Variants in UBAC2 observed in about 807,000 individuals in gnomAD.
UBAC2 encodes ubiquitin-associated domain-containing protein 2.
A neutral mutation model predicts 44.0 loss-of-function variants in UBAC2; 26 were observed. The ratio of observed to expected loss-of-function variants is 0.59; its 90% CI spans 0.43 to 0.82. The LOEUF (loss-of-function observed/expected upper bound fraction) is 0.82, where lower values mean the gene tolerates loss of function less well. Among genes scored for constraint, UBAC2 ranks in the 40% least tolerant of loss-of-function variants. The pLI is 0.00. For missense variants in UBAC2, 329 were observed against 419.4 expected, an observed-to-expected ratio of 0.78 and a Z score of 1.88; for synonymous variants, 155 against 154.3, an observed-to-expected ratio of 1.00 and a Z score of -0.04.
At chr13:99,284,431 G>A (rs1411670929) in intron 4 of UBAC2, among the ~76,000 whole-genome samples, 1 of 152,192 alleles carries the variant, frequency 6.6e-6, no homozygotes, top group African/African-American at 2.4e-5. Context: ...TTATAGAAAA[G>A]TTGCAAGGAT....
At chr13:99,312,344 C>A (rs183624776) in intron 4 of UBAC2, among the ~76,000 whole-genome samples, 158 of 152,070 alleles carry the variant, frequency 1.0e-3, no homozygotes, top group African/African-American at 3.7e-3. Context: ...GCCATTTTCC[C>A]AAAAGTGGGA....
At chr13:99,324,451 A>G (rs1197690979) in intron 6 of UBAC2, among the ~76,000 whole-genome samples, 3 of 152,244 alleles carry the variant, frequency 2.0e-5, no homozygotes, top group Admixed American at 2.0e-4. Flanking sequence ...CTCAGACTCC[A>G]GAATGAAGAA....
chr13:99,285,859 G>T (rs1053222067), intron 4 of UBAC2, among the ~76,000 whole-genome samples: 1 of 152,124 alleles, frequency 6.6e-6, no homozygotes, highest in African/African-American at 2.4e-5. Flanking sequence ...ATGAGCCAAG[G>T]CATATGAGAT....
chr13:99,215,644 A>G (rs2042983904), intron 1 of UBAC2: 4 of 1,364,538 alleles, frequency 2.9e-6, no homozygotes, highest in African/African-American at 2.9e-5. Context: ...GTCGTCCTAG[A>G]TTTCAGGTGT....
At chr13:99,317,337 T>G (rs1269062148) in intron 5 of UBAC2, among the ~76,000 whole-genome samples, 2 of 152,192 alleles carry the variant, frequency 1.3e-5, no homozygotes, top group Non-Finnish European at 2.9e-5. Flanking sequence ...CAGGAACACT[T>G]TCAGAGTCCT....
intron 4 of UBAC2, among the ~76,000 whole-genome samples, chr13:99,299,760 A>G (rs1223840076): frequency 1.3e-5 from 2 of 152,094 alleles, no homozygotes; most frequent in Non-Finnish European, 2.9e-5. Flanking sequence ...GCATTGTGTC[A>G]TCATGTAGAA....
intron 4 of UBAC2, among the ~76,000 whole-genome samples, chr13:99,280,401 C>G (rs2043937084): frequency 6.6e-6 from 1 of 152,172 alleles, no homozygotes; most frequent in Admixed American, 6.5e-5. Flanking sequence ...ATCCCTTCTC[C>G]CCTTTGCTTG....
chr13:99,201,104 GA>G, intron 1 of UBAC2, 165 bp downstream of exon 1: 1 of 1,352,838 alleles, frequency 7.4e-7, no homozygotes, highest in East Asian at 2.7e-5. Context: ...GGGGTCAGCG[GA>G]AACCGCCCCC....
At chr13:99,223,025 A>T (rs1454166604) in intron 1 of UBAC2, among the ~76,000 whole-genome samples, 6 of 152,186 alleles carry the variant, frequency 3.9e-5, no homozygotes, top group Non-Finnish European at 8.8e-5. Context: ...TAATATCTGT[A>T]GGACTATTTA....
intron 4 of UBAC2, chr13:99,255,526 C>G: frequency 6.2e-7 from 1 of 1,614,064 alleles, no homozygotes; most frequent in South Asian, 1.1e-5. Context: ...TCTGTCAGCA[C>G]TAATAAAGGC....
At chr13:99,342,694 C>A (rs917384118) in intron 7 of UBAC2, among the ~76,000 whole-genome samples, 1 of 152,196 alleles carries the variant, frequency 6.6e-6, no homozygotes, top group Non-Finnish European at 1.5e-5. Context: ...CCGTGGTGGG[C>A]ACGACCTGCA....
chr13:99,208,563 C>T (rs1176394933), intron 1 of UBAC2, among the ~76,000 whole-genome samples: 1 of 152,230 alleles, frequency 6.6e-6, no homozygotes, highest in Admixed American at 6.5e-5. Context: ...ATTAACACTT[C>T]AGTCTTCATT....
At chr13:99,259,024 T>A (rs1039156201) in intron 4 of UBAC2, among the ~76,000 whole-genome samples, 1 of 152,234 alleles carries the variant, frequency 6.6e-6, no homozygotes, top group Non-Finnish European at 1.5e-5. Context: ...AGAAATAATT[T>A]CTTTTGCATA....
chr13:99,242,297 C>A (rs1227366735), intron 2 of UBAC2, among the ~76,000 whole-genome samples: 2 of 151,906 alleles, frequency 1.3e-5, no homozygotes, highest in East Asian at 3.9e-4. Context: ...GTGCCCCTCA[C>A]CTCCCGGACG....
intron 1 of UBAC2, among the ~76,000 whole-genome samples, chr13:99,211,538 G>A (rs1239953721): frequency 1.3e-5 from 2 of 152,144 alleles, no homozygotes; most frequent in Non-Finnish European, 2.9e-5. Context: ...TACGTGTTAG[G>A]CACTGTTCTA....
At chr13:99,366,603 G>A (rs935720610) in intron 7 of UBAC2, among the ~76,000 whole-genome samples, 7 of 146,868 alleles carry the variant, frequency 4.8e-5, no homozygotes, top group Admixed American at 1.4e-4. Context: ...TGCTGTCTCC[G>A]GGGGAAGACA....
intron 4 of UBAC2, among the ~76,000 whole-genome samples, chr13:99,265,131 A>G (rs2043725431): frequency 6.6e-6 from 1 of 152,222 alleles, no homozygotes; most frequent in Admixed American, 6.5e-5. Flanking sequence ...TACTCAGACA[A>G]GGTATTTACC....
intron 4 of UBAC2, among the ~76,000 whole-genome samples, chr13:99,293,507 A>G (rs946194715): frequency 6.6e-6 from 1 of 152,194 alleles, no homozygotes; most frequent in Non-Finnish European, 1.5e-5. Context: ...CTAAGTGCCA[A>G]CTTACATACA....
intron 4 of UBAC2, among the ~76,000 whole-genome samples, chr13:99,288,070 C>G (rs1231970677): frequency 6.6e-6 from 1 of 152,096 alleles, no homozygotes; most frequent in East Asian, 1.9e-4. Flanking sequence ...GGACTGCTGC[C>G]CTCAAGCAAT....
Sources: allele counts gnomAD v4.1 joint callset (sites outside exome capture counted in the v4.1 genomes callset), GRCh38; gene constraint gnomAD v4.1.1; transcripts MANE v1.5; gene names NCBI Gene and HGNC (gene_info 2026-07-23, HGNC 2026-07-21).